The following UTP11 variants were observed in gnomAD, a reference collection of about 807,000 sequenced individuals.
UTP11 encodes probable U3 small nucleolar RNA-associated protein 11.
A neutral mutation model predicts 39.0 loss-of-function variants in UTP11; 29 were observed. The ratio of observed to expected loss-of-function variants is 0.74; its 90% CI spans 0.55 to 1.01. The LOEUF is 1.01. Ranked by LOEUF, UTP11 falls within the 50% of genes least tolerant of loss-of-function variation. The pLI is 0.00. For synonymous variants in UTP11, 111 were observed against 105.0 expected, an observed-to-expected ratio of 1.06 and a Z score of -0.35; for missense variants, 281 against 306.0, an observed-to-expected ratio of 0.92 and a Z score of 0.61.
chr1:38,024,601 G>T lies in UTP11; in HGVS notation c.*973G>T, dbSNP rs1432240653. 6.6e-6 allele frequency: 1 copy of T among 150,634 alleles called. No homozygotes were observed. Among genetic ancestry groups the T allele is most frequent in the Non-Finnish European group, 1.5e-5 (1 of 67,658 alleles). 9.3% of individuals were successfully genotyped at this position (150,634 alleles called of 1,614,324 possible). On this transcript the variant is annotated 3_prime_UTR_variant, in exon 8 of 8. Transcript: ENST00000373014. Reference sequence around the variant, plus strand: ...TTTGTATTTTTTTAGTAGAGACGGGGTTTCACCTTGTTAGCCAGGATGGTC... The same window carrying T: ...TTTGTATTTTTTTAGTAGAGACGGGTTTTCACCTTGTTAGCCAGGATGGTC...
chr1:38,014,094 A>G (rs1181812946), intron 1 of UTP11, among the ~76,000 whole-genome samples: 1 of 152,220 alleles, frequency 6.6e-6, no homozygotes, highest in Non-Finnish European at 1.5e-5. Flanking sequence ...GTAATCCTAC[A>G]ACATCCCTCT....
intron 7 of UTP11, 128 bp downstream of exon 7, chr1:38,022,937 G>A (rs973054152): frequency 3.0e-6 from 2 of 667,926 alleles, no homozygotes; most frequent in Non-Finnish European, 5.1e-6. Flanking sequence ...CTCCTCAGGG[G>A]CAGTGGTTTG....
intron 6 of UTP11, among the ~76,000 whole-genome samples, chr1:38,021,865 C>T (rs975085240): frequency 6.6e-6 from 1 of 151,752 alleles, no homozygotes; most frequent in Non-Finnish European, 1.5e-5. Context: ...TGCACTCCAG[C>T]CTGGGCGACA....
chr1:38,021,230 AC>A (rs1275205226), intron 6 of UTP11, among the ~76,000 whole-genome samples: 2 of 152,130 alleles, frequency 1.3e-5, no homozygotes, highest in Non-Finnish European at 2.9e-5. Context: ...AATTAGGTGT[AC>A]TTTCAATTAG....
Position 38,012,840 on chromosome 1 carries a change from A to C in UTP11, c.38A>C (p.Gln13Pro). The part of the protein sequence containing the change: ...AAFRKAAKSR[Q>P]REHRERSQPG... Reference sequence around the variant, plus strand: ...TTTCGGAAGGCGGCTAAGTCCCGGCAGCGGGAACACAGAGAGCGAAGCCAG... The same window carrying C: ...TTTCGGAAGGCGGCTAAGTCCCGGCCGCGGGAACACAGAGAGCGAAGCCAG... The change falls in exon 1 of 8, where the codon CAG becomes CCG. Residue 13 changes from glutamine (Q) to proline (P), a missense_variant. Physicochemically the swap from Gln to Pro is moderately conservative, Grantham distance 76. Transcript: ENST00000373014. 6.2e-7 allele frequency: 1 copy of C among 1,614,266 alleles called. No individual in the cohort carries two copies. Among genetic ancestry groups the C allele is most frequent in the Non-Finnish European group, 8.5e-7 (1 of 1,180,046 alleles).
At chr1:38,017,869 C>T in intron 3 of UTP11, 99 bp downstream of exon 3, 2 of 1,073,748 alleles carry the variant, frequency 1.9e-6, no homozygotes, top group Non-Finnish European at 2.7e-6. Context: ...CTTAATTTAA[C>T]CCTTCTCTGG....
chr1:38,016,305 GA>G (rs1646706806), intron 1 of UTP11, 53 bp from the exon 2 acceptor site: 5 of 1,567,560 alleles, frequency 3.2e-6, no homozygotes, highest in Non-Finnish European at 3.5e-6. Context: ...TGTTGATTTG[GA>G]TATGTGTTTG....
chr1:38,022,996 A>G (rs1464440684), intron 7 of UTP11, among the ~76,000 whole-genome samples, 187 bp downstream of exon 7: 1 of 152,140 alleles, frequency 6.6e-6, no homozygotes, highest in African/African-American at 2.4e-5. Context: ...TTGATTAAGG[A>G]GGTAATAAGG....
At position 38,023,680 on chromosome 1, in the gene UTP11, C is replaced by T; in HGVS notation, c.*52C>T. 1.3e-6 allele frequency: 2 copies of T among 1,512,804 alleles called. No homozygotes were observed. Among genetic ancestry groups the T allele is most frequent in the Non-Finnish European group, 1.8e-6 (2 of 1,110,752 alleles). 93.7% of individuals were successfully genotyped at this position (1,512,804 alleles called of 1,614,324 possible). The stretch of plus-strand genomic sequence containing the variant: ...TGTATCAAAAATCTGTTGTCGTTTT[C>T]TAGTAACTTCAAATTCCATTACTCC... On this transcript the variant is annotated 3_prime_UTR_variant, in exon 8 of 8. Transcript: ENST00000373014.
Position 38,023,646 on chromosome 1 carries a change from T to C in UTP11, c.*18T>C. 1 of 1,588,972 alleles carries C rather than the reference T, an allele frequency of 6.3e-7. No individual in the cohort carries two copies. The highest frequency in any genetic ancestry group is 8.6e-7 in the Non-Finnish European group (1 of 1,169,246). On this transcript the variant is annotated 3_prime_UTR_variant, in exon 8 of 8. Transcript: ENST00000373014. Reference sequence around the variant, plus strand: ...AACGTTGACGTGTTATAGATAAGCCTTGTCATTCTGTATCAAAAATCTGTT... The same window carrying C: ...AACGTTGACGTGTTATAGATAAGCCCTGTCATTCTGTATCAAAAATCTGTT...
In UTP11 at chr1:38,024,522, C is replaced by T. The variant is rs2148740609; in HGVS notation, c.*894C>T. ...GGTTCACGCCATTCTCCTGCCTCAG[C>T]CTCCCGAGTAGCTGGGACTACAGGC... On this transcript the variant is annotated 3_prime_UTR_variant, in exon 8 of 8. Transcript: ENST00000373014. The T allele has an allele frequency of 6.6e-6, 1 of 151,816 alleles. No individual in the cohort carries two copies. Among genetic ancestry groups the T allele is most frequent in the Admixed American group, 6.6e-5 (1 of 15,258 alleles). 9.4% of individuals were successfully genotyped at this position (151,816 alleles called of 1,614,324 possible).
At chr1:38,013,784 G>A (rs11211302) in intron 1 of UTP11, among the ~76,000 whole-genome samples, 7,648 of 152,072 alleles carry the variant, frequency 0.05, 230 homozygotes, top group African/African-American at 0.076. Context: ...GCACGATCTC[G>A]CCTCACTACA....
chr1:38,020,373 G>A (rs1646729552), intron 6 of UTP11, among the ~76,000 whole-genome samples: 1 of 152,100 alleles, frequency 6.6e-6, no homozygotes, highest in Admixed American at 6.5e-5. Flanking sequence ...TGAAGTGTTG[G>A]GATTACAGGC....
At position 38,019,058 on chromosome 1, in the gene UTP11, GA is replaced by G. The variant is rs781691575; in HGVS notation, c.346del (p.Ile116SerfsTer4). Reference protein sequence around the residue: ...IEMKRVAEAKKIERLKSELHL... With the variant: ...IEMKRVAEAKXIERLKSELHL... Reference sequence around the variant, plus strand: ...AAGTGAGACCATATTCTGTGTTCTAGAAAATCGAAAGACTAAAATCAGAGCT... The same window carrying G: ...AAGTGAGACCATATTCTGTGTTCTAGAAATCGAAAGACTAAAATCAGAGCT... On this transcript the variant is annotated frameshift_variant and splice_region_variant, in exon 5 of 8. Transcript: ENST00000373014. LOFTEE classifies it high-confidence loss of function. The G allele has an allele frequency of 2.2e-5, 36 of 1,610,648 alleles. No homozygotes were observed. Among genetic ancestry groups the G allele is most frequent in the Non-Finnish European group, 3.1e-5 (36 of 1,178,192 alleles).
At chr1:38,016,288 G>C (rs140391909) in intron 1 of UTP11, 71 bp from the exon 2 acceptor site, 1 of 1,482,476 alleles carries the variant, frequency 6.7e-7, no homozygotes, top group East Asian at 2.3e-5. Flanking sequence ...GTGCCTGTTA[G>C]ATGTCGTGTT....
At chr1:38,012,953 C>T in intron 1 of UTP11, 88 bp downstream of exon 1, 3 of 1,522,806 alleles carry the variant, frequency 2.0e-6, no homozygotes, top group Non-Finnish European at 1.8e-6. Context: ...GGATCCGGGT[C>T]CAAACTGTAT....
intron 5 of UTP11, 37 bp from the exon 6 acceptor site, chr1:38,019,216 A>G (rs1450126038): frequency 6.2e-7 from 1 of 1,613,916 alleles, no homozygotes; most frequent in African/African-American, 1.3e-5. Flanking sequence ...TTGGTGTTAG[A>G]AACCGACAGT....
rs1646750229 is a variant in UTP11, at chr1:38,023,635, A to G, written c.*7A>G. On this transcript the variant is annotated 3_prime_UTR_variant, in exon 8 of 8. Transcript: ENST00000373014. ...GAGTCGTCGAAAACGTTGACGTGTTATAGATAAGCCTTGTCATTCTGTATC... is the reference window on the plus strand; with the variant it reads ...GAGTCGTCGAAAACGTTGACGTGTTGTAGATAAGCCTTGTCATTCTGTATC... 1 of 1,606,998 alleles carries G rather than the reference A, an allele frequency of 6.2e-7. No individual in the cohort carries two copies. Among genetic ancestry groups the G allele is most frequent in the Admixed American group, 1.7e-5 (1 of 58,632 alleles).
intron 7 of UTP11, 24 bp downstream of exon 7, chr1:38,022,833 TC>T: frequency 4.2e-6 from 6 of 1,435,202 alleles, no homozygotes; most frequent in South Asian, 2.5e-5. Flanking sequence ...GCCTTAGGCC[TC>T]TTTTTTTTTT....
Sources: allele counts gnomAD v4.1 joint callset (sites outside exome capture counted in the v4.1 genomes callset), GRCh38; gene constraint gnomAD v4.1.1; transcripts MANE v1.5; gene names NCBI Gene and HGNC (gene_info 2026-07-23, HGNC 2026-07-21).